The following SBNO2 variants were observed in gnomAD, a reference collection of about 807,000 sequenced individuals.
SBNO2 encodes protein strawberry notch homolog 2.
A neutral mutation model predicts 146.3 loss-of-function variants in SBNO2; 89 were observed. That is an observed-to-expected ratio of 0.61 (90% CI 0.51 to 0.73). SBNO2 has a LOEUF of 0.73. Among genes scored for constraint, SBNO2 ranks in the 30% least tolerant of loss-of-function variants. The probability of loss-of-function intolerance (pLI) is 0.00; values close to 1 mark genes in which losing one functional copy is unlikely to be tolerated. For missense variants in SBNO2, 2,092 were observed against 2,003.7 expected, an observed-to-expected ratio of 1.04 and a Z score of -0.84; for synonymous variants, 1,147 against 892.6, an observed-to-expected ratio of 1.29 and a Z score of -5.08.
Position 1,127,823 on chromosome 19 carries a change from C to T in SBNO2, c.280-58G>A, listed in dbSNP as rs543119128. ...TACGGGAGACACCAAGGCCCCTCCA[C>T]GCACTGGAGCACGTGGGGATGGGAG... On this transcript the variant is annotated intron_variant, in intron 4 of 31. Coordinates refer to ENST00000361757, the MANE Select transcript of SBNO2 (RefSeq NM_014963.3). 124 of 1,538,302 alleles carry T rather than the reference C, an allele frequency of 8.1e-5. No individual in the cohort carries two copies. In the East Asian group the frequency reaches 9.5e-4, roughly 12 times the overall value.
In SBNO2 at chr19:1,110,796, G is replaced by A. The variant is rs368656564; in HGVS notation, c.2977C>T (p.His993Tyr). The A allele has an allele frequency of 2.7e-5, 43 of 1,613,604 alleles. No homozygotes were observed. The highest frequency in any genetic ancestry group is 6.7e-5 in the African/African-American group (5 of 74,950). ...TCCCGCTTGTCCATCTCGATGAGGT[G>A]GTCGAAGGTGTCTGAGAAGTACTGG... is the stretch of plus-strand genomic sequence containing the variant. Reference protein sequence around the residue: ...LFQYFSDTFDHLIEMDKREGK... With the variant: ...LFQYFSDTFDYLIEMDKREGK... The change falls in exon 26 of 32, where the codon CAC (histidine) becomes TAC (tyrosine). Residue 993 changes from histidine to tyrosine, a missense_variant. Transcript: ENST00000361757. This position sits in a 1 kb window ranked among gnomAD's most constrained non-coding sequence, Gnocchi z 4.9.
At chr19:1,155,376 G>A (rs1167857049) in intron 1 of SBNO2, among the ~76,000 whole-genome samples, 2 of 152,138 alleles carry the variant, frequency 1.3e-5, no homozygotes, top group East Asian at 1.9e-4. Flanking sequence ...AGATGGAGGT[G>A]GTCAGGCACA....
chr19:1,143,855 C>G (rs1568611074), intron 4 of SBNO2, among the ~76,000 whole-genome samples: 2 of 152,160 alleles, frequency 1.3e-5, no homozygotes, highest in Non-Finnish European at 2.9e-5. Context: ...GAAGCTCTTC[C>G]GTCTTGGGTC....
In SBNO2 at chr19:1,109,748, C is replaced by T. The variant is rs757877108; in HGVS notation, c.3058G>A (p.Glu1020Lys). The change falls in exon 27 of 32, where the codon GAG becomes AAG. Residue 1020 changes from glutamate to lysine, a missense_variant. By Grantham distance (56) the Glu-to-Lys change is moderately conservative (BLOSUM62 1). Transcript: ENST00000361757. This position sits in a 1 kb window ranked among gnomAD's most constrained non-coding sequence, Gnocchi z 4.2. Reference sequence around the variant, plus strand: ...GCCAGGAACACCTGCTGGCTCTCCTCGTAGATCTCCTCGATACCGGGAGCA... The same window carrying T: ...GCCAGGAACACCTGCTGGCTCTCCTTGTAGATCTCCTCGATACCGGGAGCA... ...DLAPGIEEIY[E>K]ESQQVFLAPG... 13 of 1,598,576 alleles carry T rather than the reference C, an allele frequency of 8.1e-6. No individual in the cohort carries two copies. Among genetic ancestry groups the T allele is most frequent in the East Asian group, 4.5e-5 (2 of 44,520 alleles).
At chr19:1,159,174 C>T (rs897137326) in intron 1 of SBNO2, among the ~76,000 whole-genome samples, 20 of 150,682 alleles carry the variant, frequency 1.3e-4, no homozygotes, top group African/African-American at 5.0e-4. Context: ...GCGCACAACT[C>T]GCATCCTAGG....
chr19:1,121,513 G>A (rs1362536558), intron 11 of SBNO2, among the ~76,000 whole-genome samples: 2 of 152,202 alleles, frequency 1.3e-5, no homozygotes, highest in African/African-American at 4.8e-5. Flanking sequence ...CTGAGCCTGT[G>A]CTCCCAACAC....
intron 1 of SBNO2, among the ~76,000 whole-genome samples, chr19:1,171,558 G>C (rs2080477796): frequency 6.6e-6 from 1 of 152,176 alleles, no homozygotes; most frequent in Non-Finnish European, 1.5e-5. Context: ...GGGGCCCCCT[G>C]GGAGGGGGCC....
intron 14 of SBNO2, among the ~76,000 whole-genome samples, chr19:1,118,143 C>T (rs1191768536): frequency 1.3e-5 from 2 of 152,066 alleles, no homozygotes; most frequent in African/African-American, 4.8e-5. Context: ...TGAGACCAAC[C>T]AGCCTGACCA....
intron 11 of SBNO2, among the ~76,000 whole-genome samples, chr19:1,120,377 G>GT (rs1162495656): frequency 6.6e-6 from 1 of 152,108 alleles, no homozygotes; most frequent in Non-Finnish European, 1.5e-5. Context: ...TTTTTTGTTT[G>GT]TTTTTTTGAG....
chr19:1,154,657 C>T (rs940858469), intron 1 of SBNO2, among the ~76,000 whole-genome samples: 1 of 152,212 alleles, frequency 6.6e-6, no homozygotes, highest in African/African-American at 2.4e-5. Flanking sequence ...TTAAGGTGGG[C>T]CCGACAGGGC....
rs767891706 is a variant in SBNO2, at chr19:1,122,142, G to A, written c.1146C>T (p.Gly382=). 168 of 1,378,514 alleles carry A rather than the reference G, an allele frequency of 1.2e-4. No homozygotes were observed. The highest frequency in any genetic ancestry group is 1.5e-4 in the Non-Finnish European group (163 of 1,056,598). 85.4% of individuals were successfully genotyped at this position (1,378,514 alleles called of 1,614,324 possible). A position where few individuals can be genotyped will look rare whatever the true frequency, so the allele number is the denominator to read the frequency against. ...CCGATTGCCCCCAGCAGGATACGAC[G>A]CCCTCGAAGGCCTCCCCACACCAGT... ...ILDWCGEAFE[G]VIVFDECHKA... The change falls in exon 11 of 32, where the codon GGC becomes GGT. Residue 382 remains glycine (G), a synonymous_variant. Transcript: ENST00000361757.
In SBNO2 at chr19:1,112,866, G is replaced by T. The variant is rs761963667; in HGVS notation, c.2331C>A (p.Ile777=). Reference sequence around the variant, plus strand: ...GCTTCTCCCTGAGGTTCACGTGGTCGATGGACAGACCCTGCTCTGCCCGCG... The same window carrying T: ...GCTTCTCCCTGAGGTTCACGTGGTCTATGGACAGACCCTGCTCTGCCCGCG... The part of the protein sequence containing the change: ...FESRAEQGLS[I]DHVNLREKQR... The change falls in exon 20 of 32, where the codon ATC becomes ATA. Residue 777 remains isoleucine (I), a synonymous_variant. Transcript: ENST00000361757. This position sits in a 1 kb window ranked among gnomAD's most constrained non-coding sequence, Gnocchi z 5.9. 4.4e-6 allele frequency: 7 copies of T among 1,575,844 alleles called. No homozygotes were observed. The Admixed American group carries it at 9.2e-5, about 21-fold the overall frequency.
intron 15 of SBNO2, 27 bp from the exon 16 acceptor site, chr19:1,116,953 C>T (rs112989521): frequency 0.032 from 48,755 of 1,532,662 alleles, 826 homozygotes; most frequent in Middle Eastern, 0.047. Context: ...GACTGTGAGC[C>T]ACCAGCCCTG....
intron 7 of SBNO2, among the ~76,000 whole-genome samples, 197 bp from the exon 8 acceptor site, chr19:1,123,242 G>A (rs577292173): frequency 3.3e-5 from 5 of 151,930 alleles, no homozygotes; most frequent in East Asian, 1.9e-4. Context: ...TGGCCGGGTC[G>A]GGGGTGTGGC....
At chr19:1,166,728 T>C (rs879304463) in intron 1 of SBNO2, among the ~76,000 whole-genome samples, 7 of 152,190 alleles carry the variant, frequency 4.6e-5, no homozygotes, top group Non-Finnish European at 1.0e-4. Context: ...ACACGTCTTT[T>C]TCTCCTGAGC....
At chr19:1,169,499 G>A (rs1388732335) in intron 1 of SBNO2, among the ~76,000 whole-genome samples, 1 of 152,226 alleles carries the variant, frequency 6.6e-6, no homozygotes, top group Non-Finnish European at 1.5e-5. Flanking sequence ...GAGCCCCGTA[G>A]GGCCCCTTCG....
intron 5 of SBNO2, among the ~76,000 whole-genome samples, chr19:1,124,302 C>G (rs1297805615): frequency 2.0e-5 from 3 of 152,196 alleles, no homozygotes; most frequent in Non-Finnish European, 4.4e-5. Flanking sequence ...GCCTGGAGTG[C>G]CCGGGAGGAA....
rs1432684584 is a variant in SBNO2 at position 1,162,391 on chromosome 19, C to T, written c.-126-7989G>A. ...AGGAGAATGGCGTGAACCCGGGAGG[C>T]GGCGCTTGCAGTGAGCCGAGATCGG... On this transcript the variant is annotated intron_variant, in intron 1 of 31. Coordinates refer to ENST00000361757, the MANE Select transcript of SBNO2 (RefSeq NM_014963.3). Among the ~76,000 whole-genome samples, 205 of 149,244 alleles carry T rather than the reference C, an allele frequency of 1.4e-3. 8 individuals carry two copies. The South Asian group carries it at 0.043, about 31-fold the overall frequency.
intron 1 of SBNO2, among the ~76,000 whole-genome samples, chr19:1,163,045 G>A (rs1258693758): frequency 1.3e-5 from 2 of 152,232 alleles, no homozygotes; most frequent in East Asian, 3.8e-4. Flanking sequence ...GGTAAGTGAC[G>A]ATTTGGAGGC....
Sources: allele counts gnomAD v4.1 joint callset (sites outside exome capture counted in the v4.1 genomes callset), GRCh38; gene constraint gnomAD v4.1.1; non-coding constraint Gnocchi (gnomAD v3.1); transcripts MANE v1.5; gene names NCBI Gene and HGNC (gene_info 2026-07-23, HGNC 2026-07-21).